The following MAD1L1 variants were observed in gnomAD, a reference collection of about 807,000 sequenced individuals.
The protein encoded by MAD1L1 is mitotic spindle assembly checkpoint protein MAD1.
In MAD1L1, 95 loss-of-function variants were observed where a neutral mutation model predicts 96.9. That is an observed-to-expected ratio of 0.98 (90% confidence interval 0.83 to 1.16). The LOEUF (loss-of-function observed/expected upper bound fraction) is 1.16, where lower values mean the gene tolerates loss of function less well. MAD1L1 is among the 50% of genes most tolerant of loss of function. MAD1L1 has a pLI of 0.00. For missense variants in MAD1L1, 1,007 were observed against 954.4 expected, an observed-to-expected ratio of 1.06 and a Z score of -0.73; for synonymous variants, 473 against 396.6, an observed-to-expected ratio of 1.19 and a Z score of -2.29.
intron 11 of MAD1L1, among the ~76,000 whole-genome samples, chr7:2,105,986 G>GCC (rs1787071251): frequency 7.5e-6 from 1 of 134,068 alleles, no homozygotes; most frequent in Admixed American, 7.3e-5. Flanking sequence ...CCCTGCCCCT[G>GCC]CCCCACATAT....
chr7:1,987,227 G>A (rs560996087), intron 14 of MAD1L1, among the ~76,000 whole-genome samples: 10 of 152,326 alleles, frequency 6.6e-5, no homozygotes, highest in Admixed American at 2.0e-4. Context: ...GACTGGGCAC[G>A]TGACTCTCCT....
chr7:1,888,222 A>G (rs1050347409), intron 18 of MAD1L1, among the ~76,000 whole-genome samples: 8 of 144,992 alleles, frequency 5.5e-5, no homozygotes, highest in Non-Finnish European at 1.2e-4. Context: ...ATGTGTGTGC[A>G]TGCATGCATG....
intron 13 of MAD1L1, among the ~76,000 whole-genome samples, chr7:2,005,496 G>A (rs1781994154): frequency 6.6e-6 from 1 of 152,182 alleles, no homozygotes; most frequent in South Asian, 2.1e-4. Flanking sequence ...GGACGGTTCT[G>A]TTACCATAAA....
rs542654170 is a variant in MAD1L1 at position 1,922,620 on chromosome 7, C to G, written c.1807+14067G>C. Among the ~76,000 whole-genome samples the G allele has an allele frequency of 3.9e-5, 6 of 152,214 alleles. No homozygotes were observed. The South Asian group carries it at 6.2e-4, about 16-fold the overall frequency. Reference sequence around the variant, plus strand: ...AAGGGTCGGTCCTGCCTTTCCAGTCCGTGTGCCTTCGACCTCCTCACCCTG... The same window carrying G: ...AAGGGTCGGTCCTGCCTTTCCAGTCGGTGTGCCTTCGACCTCCTCACCCTG... On this transcript the variant is annotated intron_variant, in intron 17 of 18. Transcript: ENST00000265854.
chr7:2,072,918 C>T (rs1009488294), intron 11 of MAD1L1, among the ~76,000 whole-genome samples: 13 of 152,256 alleles, frequency 8.5e-5, no homozygotes, highest in Admixed American at 5.2e-4. Context: ...CCCCCCGCCA[C>T]GCAGAGCAGA....
intron 4 of MAD1L1, among the ~76,000 whole-genome samples, chr7:2,224,631 G>A (rs923013144): frequency 2.6e-5 from 4 of 152,138 alleles, no homozygotes; most frequent in Admixed American, 6.5e-5. Context: ...ACATCCACCC[G>A]CCAAGAGAGG....
chr7:2,173,533 T>C (rs73039268), intron 10 of MAD1L1, among the ~76,000 whole-genome samples: 4,007 of 152,340 alleles, frequency 0.026, 91 homozygotes, highest in South Asian at 0.073. Flanking sequence ...ACCCTGGCTC[T>C]TTAAACTGTT....
intron 10 of MAD1L1, among the ~76,000 whole-genome samples, chr7:2,194,993 C>G (rs1197225588): frequency 2.0e-5 from 3 of 151,766 alleles, no homozygotes; most frequent in Admixed American, 6.6e-5. Context: ...GAGGCTGAGG[C>G]AGGAGAATCG....
chr7:2,219,771 G>A (rs1793496749), intron 5 of MAD1L1, among the ~76,000 whole-genome samples: 1 of 152,058 alleles, frequency 6.6e-6, no homozygotes, highest in Non-Finnish European at 1.5e-5. Context: ...CTCACACGCA[G>A]GGCCCACCCT....
intron 15 of MAD1L1, among the ~76,000 whole-genome samples, chr7:1,980,194 G>A (rs535119720): frequency 1.8e-4 from 27 of 151,922 alleles, no homozygotes; most frequent in African/African-American, 3.9e-4. Context: ...GCACCTCCCC[G>A]CTGGGGGACA....
chr7:2,220,846 A>G, intron 5 of MAD1L1: 11 of 1,567,146 alleles, frequency 7.0e-6, no homozygotes, highest in Non-Finnish European at 9.5e-6. Flanking sequence ...CAATAAACAC[A>G]TCCTCCCAGA....
At chr7:1,908,956 G>C (rs1325971847) in intron 17 of MAD1L1, among the ~76,000 whole-genome samples, 1 of 152,216 alleles carries the variant, frequency 6.6e-6, no homozygotes, top group Non-Finnish European at 1.5e-5. Flanking sequence ...GGTCCTGCTG[G>C]ACTGTTTCTG....
chr7:2,217,275 A>C (rs1793339149), intron 7 of MAD1L1, among the ~76,000 whole-genome samples: 1 of 152,140 alleles, frequency 6.6e-6, no homozygotes, highest in Admixed American at 6.5e-5. Flanking sequence ...CCACGACCAA[A>C]CCAGACGGTC....
intron 12 of MAD1L1, among the ~76,000 whole-genome samples, chr7:2,064,579 G>C (rs1562652332): frequency 6.6e-6 from 1 of 152,188 alleles, no homozygotes; most frequent in Non-Finnish European, 1.5e-5. Context: ...TCTCCTAGGA[G>C]GACAGTGGCT....
At chr7:2,176,370 A>G (rs1014990619) in intron 10 of MAD1L1, among the ~76,000 whole-genome samples, 38 of 152,202 alleles carry the variant, frequency 2.5e-4, no homozygotes, top group Non-Finnish European at 1.0e-4. Flanking sequence ...AATAAATAAA[A>G]GAGTGAAATA....
chr7:1,852,389 G>A (rs1686519351), intron 18 of MAD1L1, among the ~76,000 whole-genome samples: 1 of 152,140 alleles, frequency 6.6e-6, no homozygotes, highest in Non-Finnish European at 1.5e-5. Context: ...CAGAGCCCCA[G>A]GAGCTACCAC....
At position 1,941,222 on chromosome 7, in the gene MAD1L1, C is replaced by T. The variant is rs146795177; in HGVS notation, c.1597-4325G>A. On this transcript the variant is annotated intron_variant, in intron 16 of 18. Transcript: ENST00000265854. The stretch of plus-strand genomic sequence containing the variant: ...CAGTGCCTGAGGACGTCAAGTTCCC[C>T]GGGGTGGATGTCCTGGCAACGTTCA... Among the ~76,000 whole-genome samples the T allele has an allele frequency of 2.9e-3, 435 of 152,294 alleles. 3 individuals are homozygous for T. The highest frequency in any genetic ancestry group is 4.9e-3 in the Non-Finnish European group (331 of 68,022).
intron 10 of MAD1L1, among the ~76,000 whole-genome samples, chr7:2,177,104 G>T (rs751178904): frequency 6.6e-6 from 1 of 152,176 alleles, no homozygotes; most frequent in Non-Finnish European, 1.5e-5. Context: ...TTAATGTCAG[G>T]AGAAACACAG....
At chr7:1,850,550 G>A (rs998786676) in intron 18 of MAD1L1, among the ~76,000 whole-genome samples, 7 of 152,212 alleles carry the variant, frequency 4.6e-5, no homozygotes, top group Non-Finnish European at 7.3e-5. Flanking sequence ...TCACTGCCCC[G>A]AGCCTGTGCT....
Sources: allele counts gnomAD v4.1 joint callset (sites outside exome capture counted in the v4.1 genomes callset), GRCh38; gene constraint gnomAD v4.1.1; transcripts MANE v1.5; gene names NCBI Gene and HGNC (gene_info 2026-07-23, HGNC 2026-07-21).